LUZP2: variants seen among roughly 807,000 people sequenced by gnomAD.
LUZP2 encodes the protein leucine zipper protein 2.
LUZP2 carries 52 observed loss-of-function variants against 51.6 expected under a neutral mutation model. The observed-to-expected ratio is 1.01, with a 90% CI of 0.81 to 1.27. The LOEUF is 1.27. Ranked by LOEUF, LUZP2 falls within the 50% of genes most tolerant of loss-of-function variation. LUZP2 has a pLI of 0.00. For missense variants in LUZP2, 436 were observed against 395.4 expected, an observed-to-expected ratio of 1.10 and a Z score of -0.87; for synonymous variants, 154 against 137.3, an observed-to-expected ratio of 1.12 and a Z score of -0.85.
chr11:24,542,407 C>A (rs946100423), intron 1 of LUZP2, among the ~76,000 whole-genome samples: 1 of 151,930 alleles, frequency 6.6e-6, no homozygotes, highest in Non-Finnish European at 1.5e-5. Flanking sequence ...ACAAGATCAG[C>A]CCTTAAGACA....
At position 24,546,491 on chromosome 11, in the gene LUZP2, A is replaced by G. The variant is rs1851549241; in HGVS notation, c.62+49186A>G. Among the ~76,000 whole-genome samples, 4 of 152,064 alleles carry G rather than the reference A, an allele frequency of 2.6e-5. No homozygotes were observed. In the South Asian group the frequency reaches 8.3e-4, roughly 31 times the overall value. On this transcript the variant is annotated intron_variant, in intron 1 of 11. Transcript: ENST00000336930. ...GAGGTTTTTTAACATAAAAAAATGAATTTTATCAAAAGCTTTTTTTGCACC... is the reference window on the plus strand; with the variant it reads ...GAGGTTTTTTAACATAAAAAAATGAGTTTTATCAAAAGCTTTTTTTGCACC...
At chr11:25,028,207 T>C (rs1291071081) in intron 9 of LUZP2, among the ~76,000 whole-genome samples, 1 of 152,192 alleles carries the variant, frequency 6.6e-6, no homozygotes, top group Non-Finnish European at 1.5e-5. Context: ...TTTGTGTTAA[T>C]AAACATTCCA....
At chr11:24,931,041 T>C (rs1854429695) in intron 7 of LUZP2, among the ~76,000 whole-genome samples, 1 of 151,710 alleles carries the variant, frequency 6.6e-6, no homozygotes, top group Non-Finnish European at 1.5e-5. Context: ...GTGAAACCTG[T>C]CTCTACTAAA....
intron 5 of LUZP2, among the ~76,000 whole-genome samples, chr11:24,772,557 G>A (rs34807895): frequency 6.6e-6 from 1 of 152,026 alleles, no homozygotes; most frequent in Non-Finnish European, 1.5e-5. Context: ...TCTGTGAAAT[G>A]TTAGTCAACT....
At chr11:24,546,571 A>C (rs1303059224) in intron 1 of LUZP2, among the ~76,000 whole-genome samples, 1 of 152,106 alleles carries the variant, frequency 6.6e-6, no homozygotes, top group Non-Finnish European at 1.5e-5. Flanking sequence ...GGTGTGAATC[A>C]CATTTATTGA....
chr11:24,565,536 A>G (rs536034043), intron 1 of LUZP2, among the ~76,000 whole-genome samples: 3 of 152,294 alleles, frequency 2.0e-5, no homozygotes, highest in African/African-American at 7.2e-5. Flanking sequence ...TATACTTGAT[A>G]GGGGCATTAA....
chr11:24,678,179 G>A (rs951790417), intron 1 of LUZP2, among the ~76,000 whole-genome samples: 5 of 151,660 alleles, frequency 3.3e-5, no homozygotes, highest in African/African-American at 1.2e-4. Context: ...GGATCATACT[G>A]GGTATTTTAA....
chr11:24,852,801 G>C (rs1397008645), intron 5 of LUZP2, among the ~76,000 whole-genome samples: 1 of 152,068 alleles, frequency 6.6e-6, no homozygotes, highest in Non-Finnish European at 1.5e-5. Flanking sequence ...TCCTCTTGTT[G>C]CATTGATCCC....
intron 5 of LUZP2, among the ~76,000 whole-genome samples, chr11:24,901,053 C>T (rs1853264767): frequency 6.6e-6 from 1 of 151,990 alleles, no homozygotes; most frequent in South Asian, 2.1e-4. Flanking sequence ...CATAAATTGT[C>T]TCCAGATAAA....
chr11:24,860,682 C>A (rs1244310827), intron 5 of LUZP2, among the ~76,000 whole-genome samples: 2 of 151,976 alleles, frequency 1.3e-5, no homozygotes, highest in Non-Finnish European at 2.9e-5. Flanking sequence ...GAACCCCCAG[C>A]AAATTGCAGC....
intron 1 of LUZP2, among the ~76,000 whole-genome samples, chr11:24,511,508 T>C (rs778101881): frequency 1.3e-4 from 20 of 152,214 alleles, no homozygotes; most frequent in Non-Finnish European, 2.4e-4. Flanking sequence ...TGCTAGGAGA[T>C]AGGGACAGAT....
intron 9 of LUZP2, among the ~76,000 whole-genome samples, chr11:25,037,057 G>T (rs1248165807): frequency 6.6e-6 from 1 of 152,158 alleles, no homozygotes; most frequent in Non-Finnish European, 1.5e-5. Flanking sequence ...ATGGAGTGTT[G>T]AAGTCTCTCA....
chr11:24,898,877 T>C (rs1590705703), intron 5 of LUZP2, among the ~76,000 whole-genome samples: 2 of 151,734 alleles, frequency 1.3e-5, no homozygotes, highest in Middle Eastern at 6.8e-3. Context: ...TTCTATTAGA[T>C]GGGACCAATG....
In LUZP2 at chr11:24,983,129, T is replaced by A; in HGVS notation, c.601T>A (p.Ser201Thr). The A allele has an allele frequency of 6.2e-7, 1 of 1,610,300 alleles. No homozygotes were observed. The highest frequency in any genetic ancestry group is 8.5e-7 in the Non-Finnish European group (1 of 1,178,070). ...GTTAATGCCTCTTTTTTTGTAGGAG[T>A]CACAGATGAAAGCAATGAAAGAGAC... ...ELEKAALDRE[S>T]QMKAMKETVQ... is the part of the protein sequence containing the mutation. The change falls in exon 9 of 12, where the codon TCA becomes ACA. Residue 201 changes from serine (S) to threonine (T), a missense_variant. By Grantham distance (58) the Ser-to-Thr change is moderately conservative (BLOSUM62 1). Coordinates refer to ENST00000336930, the MANE Select transcript of LUZP2 (RefSeq NM_001009909.4).
chr11:24,621,957 T>A (rs73433090), intron 1 of LUZP2, among the ~76,000 whole-genome samples: 2,815 of 144,024 alleles, frequency 0.02, 94 homozygotes, highest in African/African-American at 0.072. Flanking sequence ...TCCACATACA[T>A]CTTTAAAAAA....
intron 5 of LUZP2, among the ~76,000 whole-genome samples, chr11:24,776,729 C>T (rs1011384741): frequency 1.3e-5 from 2 of 152,124 alleles, no homozygotes; most frequent in African/African-American, 4.8e-5. Context: ...TATTTACTTA[C>T]TACATTCAGA....
At chr11:24,514,178 T>A (rs1850394496) in intron 1 of LUZP2, among the ~76,000 whole-genome samples, 1 of 152,082 alleles carries the variant, frequency 6.6e-6, no homozygotes, top group South Asian at 2.1e-4. Flanking sequence ...GGGAGAGAAA[T>A]CCTCCACTGA....
intron 5 of LUZP2, among the ~76,000 whole-genome samples, chr11:24,826,042 G>A (rs967159779): frequency 1.6e-4 from 24 of 150,816 alleles, no homozygotes; most frequent in Non-Finnish European, 3.3e-4. Flanking sequence ...GCGCGGTGGC[G>A]GGCGCCTGTA....
chr11:24,951,355 C>T (rs192224240), intron 7 of LUZP2, among the ~76,000 whole-genome samples: 201 of 151,506 alleles, frequency 1.3e-3, no homozygotes, highest in African/African-American at 4.7e-3. Flanking sequence ...AGTATTATTC[C>T]TATTTTGTTG....
Sources: allele counts gnomAD v4.1 joint callset (sites outside exome capture counted in the v4.1 genomes callset), GRCh38; gene constraint gnomAD v4.1.1; transcripts MANE v1.5; gene names NCBI Gene and HGNC (gene_info 2026-07-23, HGNC 2026-07-21).